The following RIC1 variants were observed in gnomAD, a reference collection of about 807,000 sequenced individuals.
RIC1 encodes the protein RIC1 partner of RAB6A GEF complex.
Under a neutral mutation model 169.0 loss-of-function variants are expected in RIC1, and 88 were observed. The observed-to-expected ratio is 0.52, with a 90% confidence interval of 0.44 to 0.62. The LOEUF (loss-of-function observed/expected upper bound fraction) is 0.62, where lower values mean the gene tolerates loss of function less well. Ranked by LOEUF, RIC1 falls within the 20% of genes least tolerant of loss-of-function variation. RIC1 has a pLI of 0.00. For synonymous variants in RIC1, 790 were observed against 601.5 expected (o/e 1.31, Z -4.59); for missense variants, 1,877 against 1,725.5 (o/e 1.09, Z -1.56).
At chr9:5,756,079 A>G (rs1825993225) in intron 15 of RIC1, 133 bp from the exon 16 acceptor site, 3 of 471,992 alleles carry the variant, frequency 6.4e-6, no homozygotes, top group Non-Finnish European at 1.1e-5. Flanking sequence ...GTTAAAGCTT[A>G]GATAGTTCTT....
In RIC1 at chr9:5,763,214, G is replaced by C. The variant is rs2131096832; in HGVS notation, c.2187G>C (p.Gln729His). The change falls in exon 19 of 26, where the codon CAG becomes CAC. Residue 729 changes from glutamine (Q) to histidine (H), a missense_variant. Transcript: ENST00000414202. This position sits in a 1 kb window ranked among gnomAD's most constrained non-coding sequence, Gnocchi z 5.2. ...GGACAACGTGTCGAGCAAATAAACA[G>C]AAACGTCACCTTCTGGAGGCCCTCT... is the stretch of plus-strand genomic sequence containing the variant. ...NVWTTCRANK[Q>H]KRHLLEALWL... 4 of 1,614,108 alleles carry C rather than the reference G, an allele frequency of 2.5e-6. No homozygotes were observed. The highest frequency in any genetic ancestry group is 3.4e-6 in the Non-Finnish European group (4 of 1,179,982).
At chr9:5,758,722 CTTTT>C (rs754931692) in intron 17 of RIC1, among the ~76,000 whole-genome samples, 3 of 98,436 alleles carry the variant, frequency 3.0e-5, no homozygotes, top group South Asian at 3.4e-4. Flanking sequence ...GGTCTCCCTT[CTTTT>C]TTTTTTTTTT....
intron 2 of RIC1, among the ~76,000 whole-genome samples, chr9:5,678,483 A>G (rs1237549285): frequency 4.6e-5 from 7 of 151,586 alleles, no homozygotes; most frequent in Admixed American, 1.3e-4. Context: ...AACTGTTCCT[A>G]TTTCTCCACA....
At chr9:5,728,040 G>A (rs916773136) in intron 6 of RIC1, among the ~76,000 whole-genome samples, 27 of 152,306 alleles carry the variant, frequency 1.8e-4, no homozygotes, top group South Asian at 6.2e-4. Context: ...CTCAGACTCC[G>A]TGCTGGGCAA....
At chr9:5,773,662 C>T (rs144860688) in intron 25 of RIC1, among the ~76,000 whole-genome samples, 40 of 152,292 alleles carry the variant, frequency 2.6e-4, no homozygotes, top group African/African-American at 8.2e-4. Context: ...CAAGTCTAAG[C>T]TCCTGTTGGC....
At chr9:5,703,282 A>G (rs193266587) in intron 3 of RIC1, among the ~76,000 whole-genome samples, 1 of 152,258 alleles carries the variant, frequency 6.6e-6, no homozygotes, top group Non-Finnish European at 1.5e-5. Flanking sequence ...GAAAGGGACT[A>G]TAAGCCCCGT....
intron 1 of RIC1, among the ~76,000 whole-genome samples, chr9:5,639,754 C>T (rs1277819266): frequency 1.3e-5 from 2 of 152,124 alleles, no homozygotes; most frequent in African/African-American, 2.4e-5. Context: ...CTTTGTATAT[C>T]TGGGTGTGTT....
chr9:5,660,624 T>C (rs1055770062), intron 2 of RIC1, among the ~76,000 whole-genome samples: 40 of 152,346 alleles, frequency 2.6e-4, no homozygotes, highest in African/African-American at 9.4e-4. Context: ...CTTTTTAAAA[T>C]GTATTTGTTG....
chr9:5,676,484 T>C (rs183715621), intron 2 of RIC1, among the ~76,000 whole-genome samples: 2 of 152,302 alleles, frequency 1.3e-5, no homozygotes, highest in Middle Eastern at 3.4e-3. Context: ...GTAGATACTT[T>C]TATATTCCCA....
In RIC1 at chr9:5,763,227, C is replaced by T. The variant is rs780409508; in HGVS notation, c.2200C>T (p.Leu734=). The stretch of plus-strand genomic sequence containing the variant: ...AGCAAATAAACAGAAACGTCACCTT[C>T]TGGAGGCCCTCTGGCTGAGCTGTGG... ...CRANKQKRHL[L]EALWLSCGGA... Residue 734 remains leucine (L), a synonymous_variant, in exon 19 of 26, where the codon CTG becomes TTG. Coordinates refer to ENST00000414202, the MANE Select transcript of RIC1 (RefSeq NM_020829.4). This position sits in a 1 kb window ranked among gnomAD's most constrained non-coding sequence, Gnocchi z 5.2. 2.4e-5 allele frequency: 39 copies of T among 1,614,030 alleles called. No individual in the cohort carries two copies. Among genetic ancestry groups the T allele is most frequent in the Non-Finnish European group, 3.0e-5 (35 of 1,180,020 alleles).
intron 21 of RIC1, among the ~76,000 whole-genome samples, chr9:5,767,814 C>T (rs192103857): frequency 2.0e-3 from 304 of 152,202 alleles, no homozygotes; most frequent in African/African-American, 6.7e-3. Context: ...CTCAAACTCC[C>T]GACCTCAGGT....
At chr9:5,641,552 C>A (rs899797322) in intron 1 of RIC1, among the ~76,000 whole-genome samples, 2 of 152,028 alleles carry the variant, frequency 1.3e-5, no homozygotes, top group South Asian at 4.1e-4. Context: ...AAGGCCAATA[C>A]CTCTTATATT....
intron 2 of RIC1, among the ~76,000 whole-genome samples, chr9:5,660,752 T>C (rs964230091): frequency 2.6e-5 from 4 of 152,168 alleles, no homozygotes; most frequent in Admixed American, 6.5e-5. Context: ...TATTAGACCT[T>C]TCTTTGTCAG....
intron 2 of RIC1, among the ~76,000 whole-genome samples, chr9:5,674,706 C>G (rs575433022): frequency 3.3e-5 from 5 of 152,166 alleles, no homozygotes; most frequent in Admixed American, 1.3e-4. Context: ...TGACTATTCC[C>G]CTACCTGCTC....
intron 6 of RIC1, among the ~76,000 whole-genome samples, chr9:5,725,597 C>T (rs966214299): frequency 2.6e-5 from 4 of 152,110 alleles, no homozygotes; most frequent in African/African-American, 9.7e-5. Context: ...TTACCTTCTG[C>T]TAGCTTTTGA....
intron 3 of RIC1, 31 bp downstream of exon 3, chr9:5,690,069 T>G: frequency 2.1e-6 from 3 of 1,401,396 alleles, no homozygotes; most frequent in Non-Finnish European, 3.0e-6. Context: ...TCTTTTAATA[T>G]GTGATTTGCA....
intron 7 of RIC1, among the ~76,000 whole-genome samples, chr9:5,735,566 A>G (rs1824648365): frequency 6.6e-6 from 1 of 152,224 alleles, no homozygotes; most frequent in Non-Finnish European, 1.5e-5. Context: ...CTCTTCTAGC[A>G]TGCCCATGGG....
intron 2 of RIC1, among the ~76,000 whole-genome samples, chr9:5,660,006 GC>G (rs1295777310): frequency 6.6e-6 from 1 of 151,914 alleles, no homozygotes; most frequent in Non-Finnish European, 1.5e-5. Context: ...CCTGCGCCCT[GC>G]CCCTCCATCC....
At chr9:5,743,593 A>G (rs554917742) in intron 9 of RIC1, 96 bp from the exon 10 acceptor site, 1 of 966,256 alleles carries the variant, frequency 1.0e-6, no homozygotes, top group Admixed American at 2.2e-5. Context: ...ATTTTAAAGG[A>G]GCAAAATCCG....
Sources: allele counts gnomAD v4.1 joint callset (sites outside exome capture counted in the v4.1 genomes callset), GRCh38; gene constraint gnomAD v4.1.1; non-coding constraint Gnocchi (gnomAD v3.1); transcripts MANE v1.5; gene names NCBI Gene and HGNC (gene_info 2026-07-23, HGNC 2026-07-21).